Variants in LRRC4C observed in about 807,000 individuals in gnomAD.
LRRC4C encodes the protein leucine rich repeat containing 4C.
A neutral mutation model predicts 33.6 loss-of-function variants in LRRC4C; 5 were observed. The observed-to-expected ratio is 0.15, with a 90% CI of 0.08 to 0.31. The LOEUF is 0.31. Ranked by LOEUF, LRRC4C falls within the 10% of genes least tolerant of loss-of-function variation. The probability of loss-of-function intolerance (pLI) is 1.00; values close to 1 mark genes in which losing one functional copy is unlikely to be tolerated. For missense variants in LRRC4C, 560 were observed against 796.7 expected, an observed-to-expected ratio of 0.70 and a Z score of 3.58; for synonymous variants, 329 against 302.0, an observed-to-expected ratio of 1.09 and a Z score of -0.93.
At chr11:40,958,514 A>G (rs529794035) in intron 1 of LRRC4C, among the ~76,000 whole-genome samples, 1 of 151,878 alleles carries the variant, frequency 6.6e-6, no homozygotes, top group Admixed American at 6.6e-5. Context: ...GTATTCCATG[A>G]ACATGGGACT....
chr11:40,825,100 T>C (rs1298820659), intron 2 of LRRC4C, among the ~76,000 whole-genome samples: 1 of 151,802 alleles, frequency 6.6e-6, no homozygotes, highest in Admixed American at 6.6e-5. Flanking sequence ...TTAATAAAAC[T>C]CCGAGGTAGA....
chr11:40,282,325 A>G (rs1943533881), intron 4 of LRRC4C, among the ~76,000 whole-genome samples: 1 of 152,152 alleles, frequency 6.6e-6, no homozygotes, highest in Non-Finnish European at 1.5e-5. Context: ...AGCCTGGGTG[A>G]CAGAGTGAGA....
At chr11:40,309,654 C>T (rs931538050) in intron 4 of LRRC4C, among the ~76,000 whole-genome samples, 2 of 151,918 alleles carry the variant, frequency 1.3e-5, no homozygotes, top group East Asian at 3.9e-4. Context: ...TGAAGGTGTG[C>T]TTTACCACGC....
intron 3 of LRRC4C, among the ~76,000 whole-genome samples, chr11:40,413,338 G>A (rs777062723): frequency 2.0e-5 from 3 of 152,046 alleles, no homozygotes; most frequent in East Asian, 1.9e-4. Flanking sequence ...CCTTACACTC[G>A]GCCAAATGGG....
intron 3 of LRRC4C, among the ~76,000 whole-genome samples, chr11:40,581,610 A>G (rs17409711): frequency 0.011 from 1,692 of 152,258 alleles, 12 homozygotes; most frequent in Middle Eastern, 0.037. Context: ...ATGCTTAAAT[A>G]AAAAAAGAAT....
chr11:41,271,195 T>C (rs1479841737), intron 1 of LRRC4C, among the ~76,000 whole-genome samples: 1 of 152,092 alleles, frequency 6.6e-6, no homozygotes, highest in Non-Finnish European at 1.5e-5. Context: ...CCCCAGTTCT[T>C]GTGCTTCCAC....
intron 1 of LRRC4C, among the ~76,000 whole-genome samples, chr11:40,956,168 A>G (rs939990458): frequency 2.4e-4 from 37 of 151,932 alleles, no homozygotes; most frequent in African/African-American, 8.2e-4. Context: ...TACCAAAAAC[A>G]AATAACCTTG....
At chr11:41,338,828 T>C (rs1243600327) in intron 1 of LRRC4C, among the ~76,000 whole-genome samples, 1 of 152,122 alleles carries the variant, frequency 6.6e-6, no homozygotes, top group Non-Finnish European at 1.5e-5. Context: ...GAGTTCCTAC[T>C]CTCTAAAAAA....
chr11:41,336,661 A>G (rs1256465807), intron 1 of LRRC4C, among the ~76,000 whole-genome samples: 3 of 152,172 alleles, frequency 2.0e-5, no homozygotes, highest in African/African-American at 4.8e-5. Flanking sequence ...AGGAAATGTG[A>G]AAGTCCTCTT....
chr11:41,085,324 G>T (rs1347220200), intron 1 of LRRC4C, among the ~76,000 whole-genome samples: 2 of 151,898 alleles, frequency 1.3e-5, no homozygotes, highest in African/African-American at 2.4e-5. Context: ...CAACTGAATT[G>T]TCCTGGGACC....
chr11:40,175,225 C>T (rs1399741646), intron 5 of LRRC4C, among the ~76,000 whole-genome samples: 2 of 152,230 alleles, frequency 1.3e-5, no homozygotes, highest in African/African-American at 2.4e-5. Flanking sequence ...GACTTAATGT[C>T]ACTGACTAAA....
chr11:40,697,905 A>G (rs1565647207), intron 2 of LRRC4C, among the ~76,000 whole-genome samples: 1 of 151,924 alleles, frequency 6.6e-6, no homozygotes, highest in Non-Finnish European at 1.5e-5. Context: ...CGTCTCTACT[A>G]AAAATACAAA....
intron 3 of LRRC4C, among the ~76,000 whole-genome samples, chr11:40,414,567 A>C (rs1590661000): frequency 6.6e-6 from 1 of 152,120 alleles, no homozygotes. Flanking sequence ...AAATGCATTA[A>C]AATTTATACA....
intron 1 of LRRC4C, among the ~76,000 whole-genome samples, chr11:41,093,325 A>G (rs896384344): frequency 6.6e-6 from 1 of 152,242 alleles, no homozygotes; most frequent in Admixed American, 6.5e-5. Flanking sequence ...AAAAGGTAAT[A>G]CTTTCCTTCA....
intron 2 of LRRC4C, among the ~76,000 whole-genome samples, chr11:40,911,767 G>A (rs563224604): frequency 3.3e-5 from 5 of 152,218 alleles, no homozygotes; most frequent in African/African-American, 9.6e-5. Context: ...GAGGAAGTTC[G>A]AACCCATGGC....
At chr11:40,487,332 T>C (rs539378158) in intron 3 of LRRC4C, among the ~76,000 whole-genome samples, 3 of 152,118 alleles carry the variant, frequency 2.0e-5, no homozygotes, top group South Asian at 2.1e-4. Context: ...CTTGTGGTTA[T>C]ACAAGAAACA....
intron 2 of LRRC4C, among the ~76,000 whole-genome samples, chr11:40,865,626 T>C (rs2135891257): frequency 6.6e-6 from 1 of 151,428 alleles, no homozygotes; most frequent in African/African-American, 2.4e-5. Context: ...TATAAATAAA[T>C]AACAAAAGCC....
chr11:41,068,834 C>G (rs1286780668), intron 1 of LRRC4C, among the ~76,000 whole-genome samples: 3 of 151,988 alleles, frequency 2.0e-5, no homozygotes, highest in African/African-American at 7.3e-5. Context: ...CGAATTCTAC[C>G]AAAAGAACAA....
chr11:40,860,777 C>CTTTTTTTTTTTT (rs60307580), intron 2 of LRRC4C, among the ~76,000 whole-genome samples: 1 of 43,226 alleles, frequency 2.3e-5, no homozygotes. Flanking sequence ...GGCTTAGGAT[C>CTTTTTTTTTTTT]TTTTTTTTTT....
Sources: gnomAD v4.1 joint callset for allele counts (sites outside exome capture counted in the v4.1 genomes callset) on GRCh38, gnomAD v4.1.1 for gene constraint, MANE v1.5 for transcripts, NCBI Gene and HGNC (gene_info 2026-07-23, HGNC 2026-07-21) for gene names.